Variants in GNG2 observed in about 807,000 individuals in gnomAD.
GNG2 encodes guanine nucleotide-binding protein G(I)/G(S)/G(O) subunit gamma-2.
In GNG2, 5 loss-of-function variants were observed where a neutral mutation model predicts 5.5. The ratio of observed to expected loss-of-function variants is 0.91; its 90% CI spans 0.48 to 1.92. GNG2 has a LOEUF of 1.92. GNG2 is among the 30% of genes most tolerant of loss of function. The probability of loss-of-function intolerance (pLI) is 0.01; values close to 1 mark genes in which losing one functional copy is unlikely to be tolerated. For synonymous variants in GNG2, 28 were observed against 32.0 expected (o/e 0.88, Z 0.42); for missense variants, 55 against 88.4 (o/e 0.62, Z 1.52).
At chr14:51,834,487 T>C (rs1173749485) in intron 2 of GNG2, among the ~76,000 whole-genome samples, 1 of 152,172 alleles carries the variant, frequency 6.6e-6, no homozygotes, top group Non-Finnish European at 1.5e-5. Context: ...TGGGTCCAGG[T>C]GGCAGATGAA....
At position 51,847,875 on chromosome 14, in the gene GNG2, CTTTTTCTTTTTTTTT is replaced by C. The variant is rs1306321545; in HGVS notation, c.64+20074_64+20088del. Among the ~76,000 whole-genome samples, 8 of 66,146 alleles carry C rather than the reference CTTTTTCTTTTTTTTT, an allele frequency of 1.2e-4. No homozygotes were observed. In the Admixed American group the frequency reaches 1.4e-3, roughly 12 times the overall value. 43.4% of individuals were successfully genotyped at this position (66,146 alleles called of 152,430 possible). A position where few individuals can be genotyped will look rare whatever the true frequency, so the allele number is the denominator to read the frequency against. ...GGATGTTACTCTATGAATACAGGTC[CTTTTTCTTTTTTTTT>C]TTTTTTTTTTTTTTTTTTGTAAAAT... On this transcript the variant is annotated intron_variant, in intron 2 of 3. Coordinates refer to the GNG2 transcript ENST00000553432.
intron 3 of GNG2, among the ~76,000 whole-genome samples, chr14:51,966,164 C>G (rs894086457): frequency 3.0e-5 from 4 of 132,484 alleles, no homozygotes; most frequent in Non-Finnish European, 6.1e-5. Flanking sequence ...GAGCCAAGAT[C>G]AAGCCACTGC....
At chr14:51,905,247 A>T (rs1885843111) in intron 2 of GNG2, among the ~76,000 whole-genome samples, 1 of 152,204 alleles carries the variant, frequency 6.6e-6, no homozygotes, top group South Asian at 2.1e-4. Flanking sequence ...TGCTTCCTAG[A>T]CACTTAAGAT....
chr14:51,898,508 G>A (rs1170870590), intron 2 of GNG2, among the ~76,000 whole-genome samples: 1 of 151,994 alleles, frequency 6.6e-6, no homozygotes, highest in Non-Finnish European at 1.5e-5. Context: ...ATGAAACAAA[G>A]CTAAAAAAGA....
At chr14:51,963,128 C>A (rs1413944977) in intron 3 of GNG2, among the ~76,000 whole-genome samples, 1 of 152,210 alleles carries the variant, frequency 6.6e-6, no homozygotes, top group Non-Finnish European at 1.5e-5. Flanking sequence ...ATTCTAATTA[C>A]TGCTGGGATT....
chr14:51,911,042 A>C (rs2140201802), intron 2 of GNG2, among the ~76,000 whole-genome samples: 1 of 152,314 alleles, frequency 6.6e-6, no homozygotes, highest in South Asian at 2.1e-4. Flanking sequence ...AAAGAGGTGT[A>C]CAGTTGGGAA....
intron 2 of GNG2, among the ~76,000 whole-genome samples, chr14:51,902,195 G>A (rs560204750): frequency 2.6e-5 from 4 of 151,532 alleles, no homozygotes; most frequent in Non-Finnish European, 4.4e-5. Flanking sequence ...TGTTATTTCT[G>A]GCTATATAAA....
intron 1 of GNG2, among the ~76,000 whole-genome samples, chr14:51,867,483 C>G (rs996835034): frequency 2.0e-5 from 3 of 152,208 alleles, no homozygotes; most frequent in African/African-American, 7.2e-5. Flanking sequence ...TATGACAATT[C>G]AACTTCACTG....
intron 2 of GNG2, among the ~76,000 whole-genome samples, chr14:51,828,248 C>A (rs560312671): frequency 2.0e-5 from 3 of 152,154 alleles, no homozygotes; most frequent in African/African-American, 7.2e-5. Context: ...TCAAGGTGAA[C>A]AGGAGGTGGC....
chr14:51,877,696 T>G, intron 2 of GNG2, 39 bp downstream of exon 2: 1 of 450,296 alleles, frequency 2.2e-6, no homozygotes, highest in South Asian at 1.6e-5. Context: ...AATCTTGAAT[T>G]TAACCAGAAC....
intron 2 of GNG2, among the ~76,000 whole-genome samples, chr14:51,845,923 T>TC (rs1425161192): frequency 6.6e-6 from 1 of 152,102 alleles, no homozygotes; most frequent in Non-Finnish European, 1.5e-5. Context: ...TGCTCTGTAG[T>TC]CCCCCGGGCA....
intron 2 of GNG2, among the ~76,000 whole-genome samples, chr14:51,836,871 T>TA (rs1881344940): frequency 6.6e-6 from 1 of 151,424 alleles, no homozygotes; most frequent in Non-Finnish European, 1.5e-5. Context: ...TTTTTTTTTT[T>TA]TTTTGAGACA....
intron 3 of GNG2, among the ~76,000 whole-genome samples, chr14:51,958,276 T>C (rs1480729077): frequency 6.6e-6 from 1 of 152,094 alleles, no homozygotes; most frequent in Non-Finnish European, 1.5e-5. Flanking sequence ...CATCCTTTTT[T>C]CCAAAGAGCA....
intron 2 of GNG2, among the ~76,000 whole-genome samples, chr14:51,893,645 T>C (rs1227030947): frequency 3.3e-5 from 5 of 152,108 alleles, no homozygotes; most frequent in Non-Finnish European, 7.4e-5. Flanking sequence ...GTTTTTTGGC[T>C]TCTTGTCTTG....
chr14:51,913,406 TG>T (rs1242616222), intron 2 of GNG2: 1 of 152,134 alleles, frequency 6.6e-6, no homozygotes, highest in African/African-American at 2.4e-5. Flanking sequence ...CCCAACTACT[TG>T]GGAGGATGAG....
At position 51,855,312 on chromosome 14, in the gene GNG2, T is replaced by C. The variant is rs531570916; in HGVS notation, c.64+27505T>C. 2.0e-5 allele frequency among the ~76,000 whole-genome samples: 3 copies of C among 152,302 alleles called. No homozygotes were observed. In the South Asian group the frequency reaches 6.2e-4, roughly 32 times the overall value. On this transcript the variant is annotated intron_variant, in intron 2 of 3. Transcript: ENST00000553432. ...CTGGGCCGTGAGACAGAGACTGGCATTTTTCATTAGTGAAGGCCAGGCACT... is the reference window on the plus strand; with the variant it reads ...CTGGGCCGTGAGACAGAGACTGGCACTTTTCATTAGTGAAGGCCAGGCACT...
At chr14:51,918,751 G>A (rs556808698) in intron 2 of GNG2, among the ~76,000 whole-genome samples, 8 of 152,296 alleles carry the variant, frequency 5.3e-5, no homozygotes, top group Admixed American at 5.2e-4. Context: ...TAAAAGGGTT[G>A]AAATAAACAA....
At chr14:51,849,571 G>T (rs937493242) in intron 2 of GNG2, among the ~76,000 whole-genome samples, 1 of 152,050 alleles carries the variant, frequency 6.6e-6, no homozygotes, top group African/African-American at 2.4e-5. Context: ...TAAAATACTG[G>T]GTACATTCCT....
intron 2 of GNG2, among the ~76,000 whole-genome samples, chr14:51,897,922 A>G (rs1358609990): frequency 6.6e-6 from 1 of 152,172 alleles, no homozygotes; most frequent in Admixed American, 6.5e-5. Context: ...AAATGAGATG[A>G]CTGGGAGGCC....
Sources: allele counts gnomAD v4.1 joint callset (sites outside exome capture counted in the v4.1 genomes callset), GRCh38; gene constraint gnomAD v4.1.1; transcripts MANE v1.5; gene names NCBI Gene and HGNC (gene_info 2026-07-23, HGNC 2026-07-21).